The following TGFBRAP1 variants were observed in gnomAD, a reference collection of about 807,000 sequenced individuals.
TGFBRAP1 encodes transforming growth factor-beta receptor-associated protein 1.
A neutral mutation model predicts 83.2 loss-of-function variants in TGFBRAP1; 20 were observed. That is an observed-to-expected ratio of 0.24 (90% CI 0.17 to 0.35). The LOEUF is 0.35. TGFBRAP1 is among the 10% of genes least tolerant of loss of function. TGFBRAP1 has a pLI of 1.00. For synonymous variants in TGFBRAP1, 415 were observed against 459.8 expected, an observed-to-expected ratio of 0.90 and a Z score of 1.25; for missense variants, 950 against 1,099.4, an observed-to-expected ratio of 0.86 and a Z score of 1.92.
intron 4 of TGFBRAP1, among the ~76,000 whole-genome samples, chr2:105,290,658 T>TGTGTGTGA (rs1011017130): frequency 6.6e-6 from 1 of 150,940 alleles, no homozygotes; most frequent in Non-Finnish European, 1.5e-5. Flanking sequence ...TGTGTGTGTG[T>TGTGTGTGA]GAATTTAAGT....
At chr2:105,297,614 C>T (rs1482459183) in intron 3 of TGFBRAP1, among the ~76,000 whole-genome samples, 2 of 152,228 alleles carry the variant, frequency 1.3e-5, no homozygotes, top group Admixed American at 6.5e-5. Context: ...AATCTAGATT[C>T]GTTCCTGGTT....
At chr2:105,273,094 C>A (rs1232661236) in intron 9 of TGFBRAP1, 80 bp from the exon 10 acceptor site, 5 of 1,546,198 alleles carry the variant, frequency 3.2e-6, no homozygotes, top group African/African-American at 1.4e-5. Context: ...TCAGCCAGGG[C>A]TTGGAGACCG....
intron 5 of TGFBRAP1, among the ~76,000 whole-genome samples, chr2:105,282,661 C>CA (rs1677580606): frequency 6.6e-6 from 1 of 151,876 alleles, no homozygotes; most frequent in African/African-American, 2.4e-5. Flanking sequence ...CCCATCTCTA[C>CA]AAAAAATAAA....
intron 1 of TGFBRAP1, among the ~76,000 whole-genome samples, chr2:105,313,454 T>C (rs1678755567): frequency 6.6e-6 from 1 of 152,240 alleles, no homozygotes; most frequent in Non-Finnish European, 1.5e-5. Context: ...TGGGTCCAGA[T>C]GGATTTCCTA....
downstream of TGFBRAP1, among the ~76,000 whole-genome samples, chr2:105,262,343 T>A (rs1171745097): frequency 6.6e-6 from 1 of 152,134 alleles, no homozygotes; most frequent in African/African-American, 2.4e-5. Flanking sequence ...GCTGGCTGTT[T>A]AAAGGAGTCT....
At chr2:105,316,475 GCGCGCACGCGCAC>G (rs1678877756) in intron 1 of TGFBRAP1, among the ~76,000 whole-genome samples, 1 of 77,548 alleles carries the variant, frequency 1.3e-5, no homozygotes, top group Non-Finnish European at 3.0e-5. Flanking sequence ...GCGCGCGCGC[GCGCGCACGCGCAC>G]ATAACTCAAA....
At chr2:105,310,328 A>G (rs1558651330) in intron 1 of TGFBRAP1, among the ~76,000 whole-genome samples, 1 of 152,060 alleles carries the variant, frequency 6.6e-6, no homozygotes, top group Non-Finnish European at 1.5e-5. Context: ...TCAGGTGTTT[A>G]TTTCCCAAGC....
intron 6 of TGFBRAP1, among the ~76,000 whole-genome samples, chr2:105,279,898 TGTGGTGGC>T (rs1453125971): frequency 6.6e-6 from 1 of 151,608 alleles, no homozygotes; most frequent in African/African-American, 2.4e-5. Flanking sequence ...ATTACCTGGG[TGTGGTGGC>T]GTGCACCTGT....
intron 11 of TGFBRAP1, chr2:105,267,935 T>C (rs1052424745): frequency 1.0e-6 from 1 of 961,172 alleles, no homozygotes; most frequent in East Asian, 1.1e-4. Context: ...TCCAGGGTTC[T>C]CTCATTTGCA....
intron 3 of TGFBRAP1, among the ~76,000 whole-genome samples, 171 bp from the exon 4 acceptor site, chr2:105,296,681 A>G (rs568467757): frequency 7.3e-5 from 11 of 150,692 alleles, no homozygotes; most frequent in Admixed American, 7.3e-4. Context: ...TTTTTCCCAC[A>G]CTGTCAACTG....
At chr2:105,295,953 A>T (rs1678075500) in intron 4 of TGFBRAP1, among the ~76,000 whole-genome samples, 2 of 152,158 alleles carry the variant, frequency 1.3e-5, no homozygotes, top group Non-Finnish European at 2.9e-5. Context: ...CTTTAATTCA[A>T]CCCCTTCCTG....
At chr2:105,328,897 G>A (rs1422331325) in intron 1 of TGFBRAP1, among the ~76,000 whole-genome samples, 2 of 152,110 alleles carry the variant, frequency 1.3e-5, no homozygotes, top group East Asian at 1.9e-4. Flanking sequence ...GACAGCTTCC[G>A]TGTTTAAGGA....
In TGFBRAP1 at chr2:105,316,799, G is replaced by C. The variant is rs192439844; in HGVS notation, c.-17-8481C>G. Among the ~76,000 whole-genome samples, 47 of 149,226 alleles carry C rather than the reference G, an allele frequency of 3.1e-4. 1 individual carries two copies. In the East Asian group the frequency reaches 4.7e-3, roughly 15 times the overall value. ...ACTGCACTCCAGCCTGGGTGACAGA[G>C]TGAGACTCTGTCTCAAAAAAAAAAA... is the stretch of plus-strand genomic sequence containing the variant. On this transcript the variant is annotated intron_variant, in intron 1 of 11. Transcript: ENST00000393359.
At chr2:105,253,724 T>A in the TGFBRAP1 span, among the ~76,000 whole-genome samples, 14 of 152,204 alleles carry the variant, frequency 9.2e-5, no homozygotes, top group African/African-American at 3.1e-4. Flanking sequence ...CATTAGCCAA[T>A]GAACCTGGCC....
chr2:105,272,058 T>C (rs1288778089), intron 10 of TGFBRAP1, among the ~76,000 whole-genome samples: 3 of 152,184 alleles, frequency 2.0e-5, no homozygotes, highest in East Asian at 1.9e-4. Context: ...GTGTGTTAGA[T>C]ATGCTTTGTT....
At chr2:105,294,307 G>GGTGTGTGTGTGTGTGTGT (rs3060066) in intron 4 of TGFBRAP1, among the ~76,000 whole-genome samples, 7 of 147,990 alleles carry the variant, frequency 4.7e-5, no homozygotes, top group African/African-American at 1.5e-4. Context: ...TAGGAGTGAG[G>GGTGTGTGTGTGTGTGTGT]GTGTGTGTGT....
Position 105,296,500 on chromosome 2 carries a change from G to T in TGFBRAP1, c.894C>A (p.Ile298=), listed in dbSNP as rs923483752. 1.9e-6 allele frequency: 3 copies of T among 1,611,120 alleles called. No homozygotes were observed. The highest frequency in any genetic ancestry group is 2.5e-6 in the Non-Finnish European group (3 of 1,179,352). The change falls in exon 4 of 12, where the codon ATC becomes ATA. Residue 298 remains isoleucine (I), a synonymous_variant. Coordinates refer to ENST00000393359, the MANE Select transcript of TGFBRAP1 (RefSeq NM_004257.6). ...HILQDFEGRV[I]VATSKGVYIL... is the part of the protein sequence containing the mutation. ...TGTAAACTCCTTTACTTGTGGCAAC[G>T]ATCACTCTTCCTGTGAAGAAATTCA...
downstream of TGFBRAP1, among the ~76,000 whole-genome samples, chr2:105,263,980 T>C (rs1676845912): frequency 6.6e-6 from 1 of 152,138 alleles, no homozygotes; most frequent in Non-Finnish European, 1.5e-5. Context: ...TTAAAGAACA[T>C]GAGAAAGTGC....
At position 105,266,630 on chromosome 2, in the gene TGFBRAP1, G is replaced by A. The variant is rs1033415760; in HGVS notation, c.*753C>T. On this transcript the variant is annotated 3_prime_UTR_variant, in exon 12 of 12. Transcript: ENST00000393359. ...GTCCGCGGCTTCTTCAAGGAGGGGAGAGCAGCTTCTCTCTTGGAGCGTTCT... is the reference window on the plus strand; with the variant it reads ...GTCCGCGGCTTCTTCAAGGAGGGGAAAGCAGCTTCTCTCTTGGAGCGTTCT... 3 of 152,254 alleles carry A rather than the reference G, an allele frequency of 2.0e-5. No individual in the cohort carries two copies. Among genetic ancestry groups the A allele is most frequent in the African/African-American group, 7.2e-5 (3 of 41,468 alleles). The allele number at this position is 152,254 out of a possible 1,614,324, so 9.4% of individuals were successfully genotyped here. A position where few individuals can be genotyped will look rare whatever the true frequency, so the allele number is the denominator to read the frequency against.
Sources: gnomAD v4.1 joint callset for allele counts (sites outside exome capture counted in the v4.1 genomes callset) on GRCh38, gnomAD v4.1.1 for gene constraint, MANE v1.5 for transcripts, NCBI Gene and HGNC (gene_info 2026-07-23, HGNC 2026-07-21) for gene names.